Variants in SLCO3A1 observed in about 807,000 individuals in gnomAD.
SLCO3A1 encodes PGE1 transporter.
In SLCO3A1, 27 loss-of-function variants were observed where a neutral mutation model predicts 63.1. That is an observed-to-expected ratio of 0.43 (90% CI 0.32 to 0.59). The LOEUF (loss-of-function observed/expected upper bound fraction) is 0.59, where lower values mean the gene tolerates loss of function less well. SLCO3A1 is among the 20% of genes least tolerant of loss of function. The pLI, the probability that SLCO3A1 is intolerant of heterozygous loss-of-function variation, is 0.09. For missense variants in SLCO3A1, 773 were observed against 945.8 expected (o/e 0.82, Z 2.40); for synonymous variants, 473 against 409.9 (o/e 1.15, Z -1.86).
chr15:91,926,596 T>TGTGTGTGTGC, intron 2 of SLCO3A1, among the ~76,000 whole-genome samples: 3,130 of 105,102 alleles, frequency 0.03, 73 homozygotes, highest in East Asian at 0.12. Flanking sequence ...TGTGTGTGTG[T>TGTGTGTGTGC]GCGCGCGCGC....
chr15:92,038,603 G>A (rs1015550517), intron 2 of SLCO3A1, among the ~76,000 whole-genome samples: 2 of 152,020 alleles, frequency 1.3e-5, no homozygotes, highest in Non-Finnish European at 1.5e-5. Context: ...AAATAAGAGA[G>A]GACACAAACA....
At position 91,909,595 on chromosome 15, in the gene SLCO3A1, C is replaced by T. The variant is rs954903005; in HGVS notation, c.181-6398C>T. Among the ~76,000 whole-genome samples the T allele has an allele frequency of 7.9e-5, 12 of 152,126 alleles. No homozygotes were observed. The South Asian group carries it at 2.1e-3, about 26-fold the overall frequency. The stretch of plus-strand genomic sequence containing the variant: ...GTGCAGTTTGAGGGTATAGGTTCCC[C>T]GAAGCTCCCCAGGAAGAGCCTGCTC... On this transcript the variant is annotated intron_variant, in intron 1 of 9. Transcript: ENST00000318445.
intron 2 of SLCO3A1, among the ~76,000 whole-genome samples, chr15:91,971,481 A>G (rs1430141774): frequency 6.7e-6 from 1 of 150,290 alleles, no homozygotes; most frequent in Non-Finnish European, 1.5e-5. Context: ...ATTTGATGTC[A>G]TATTCTTCCA....
chr15:91,879,275 G>A (rs1033355608), intron 1 of SLCO3A1, among the ~76,000 whole-genome samples: 4 of 150,370 alleles, frequency 2.7e-5, no homozygotes, highest in Non-Finnish European at 5.9e-5. Context: ...ACTGTGATAT[G>A]CTTGGTATCT....
At chr15:91,969,442 G>A (rs1438107413) in intron 2 of SLCO3A1, among the ~76,000 whole-genome samples, 1 of 151,886 alleles carries the variant, frequency 6.6e-6, no homozygotes, top group African/African-American at 2.4e-5. Context: ...AATAGCTTGG[G>A]TTACAGGTAC....
intron 1 of SLCO3A1, among the ~76,000 whole-genome samples, chr15:91,889,508 G>C (rs1897817951): frequency 6.6e-6 from 1 of 152,242 alleles, no homozygotes; most frequent in Admixed American, 6.5e-5. Context: ...TCTATGAATT[G>C]ACTGATCTGG....
chr15:92,034,013 C>CTGGACCAGCACCACCAAGCCACTCT (rs771191515), intron 2 of SLCO3A1, among the ~76,000 whole-genome samples: 1 of 151,862 alleles, frequency 6.6e-6, no homozygotes. Flanking sequence ...GTCCTGGTGA[C>CTGGACCAGCACCACCAAGCCACTCT]CATTGGGCTG....
At chr15:92,150,921 T>C (rs1321549974) in intron 8 of SLCO3A1, 29 bp from the exon 9 acceptor site, 2 of 1,576,836 alleles carry the variant, frequency 1.3e-6, no homozygotes, top group Non-Finnish European at 8.6e-7. Context: ...AATCTGGTTT[T>C]TTTTTTCTCT....
chr15:91,975,143 TTC>T (rs1305709102), intron 2 of SLCO3A1, among the ~76,000 whole-genome samples: 1 of 152,238 alleles, frequency 6.6e-6, no homozygotes, highest in Non-Finnish European at 1.5e-5. Flanking sequence ...ACCAGTGTTA[TTC>T]TCTTTTTACC....
chr15:91,857,015 TGAG>T (rs1336117420), intron 1 of SLCO3A1, among the ~76,000 whole-genome samples: 1 of 151,202 alleles, frequency 6.6e-6, no homozygotes, highest in African/African-American at 2.4e-5. Flanking sequence ...GAAGCAACTT[TGAG>T]AAGGAGGACT....
rs944677416 is a variant in SLCO3A1 at position 91,885,635 on chromosome 15, C to T, written c.181-30358C>T. Among the ~76,000 whole-genome samples, 1 of 152,218 alleles carries T rather than the reference C, an allele frequency of 6.6e-6. No individual in the cohort carries two copies. Among genetic ancestry groups the T allele is most frequent in the Non-Finnish European group, 1.5e-5 (1 of 68,040 alleles). On this transcript the variant is annotated intron_variant, in intron 1 of 9. Transcript: ENST00000318445. This position sits in a 1 kb window ranked among gnomAD's most constrained non-coding sequence, Gnocchi z 4.7. The stretch of plus-strand genomic sequence containing the variant: ...AACCCTTAAACTGATGGCCCTTGAA[C>T]AAGTGCATCATTCTCTGTCCTTGAT...
chr15:92,031,029 A>AGGGG (rs2046641185), intron 2 of SLCO3A1, among the ~76,000 whole-genome samples: 1 of 17,636 alleles, frequency 5.7e-5, no homozygotes, highest in Non-Finnish European at 1.2e-4. Flanking sequence ...GGAGGGAGGG[A>AGGGG]GGGAGGGAGG....
chr15:91,914,476 CCT>C (rs1440289012), intron 1 of SLCO3A1, among the ~76,000 whole-genome samples: 2 of 152,026 alleles, frequency 1.3e-5, no homozygotes, highest in Non-Finnish European at 2.9e-5. Flanking sequence ...ATTGTGTCTA[CCT>C]AATTGCTCGG....
chr15:92,133,957 A>T (rs923059550), intron 7 of SLCO3A1, among the ~76,000 whole-genome samples: 1 of 152,216 alleles, frequency 6.6e-6, no homozygotes, highest in South Asian at 2.1e-4. Context: ...AGCACAGGAA[A>T]CAAACAGCGT....
At chr15:92,002,581 G>A (rs2046268312) in intron 2 of SLCO3A1, among the ~76,000 whole-genome samples, 1 of 152,074 alleles carries the variant, frequency 6.6e-6, no homozygotes, top group South Asian at 2.1e-4. Context: ...TCTTCTTCTT[G>A]ACTCCAGCCT....
chr15:92,040,992 G>A (rs1343505407), intron 2 of SLCO3A1, among the ~76,000 whole-genome samples: 2 of 152,120 alleles, frequency 1.3e-5, no homozygotes, highest in Non-Finnish European at 2.9e-5. Flanking sequence ...CCGACATTCT[G>A]TGTGGCCTGG....
chr15:91,962,431 A>T (rs1229233098), intron 2 of SLCO3A1, among the ~76,000 whole-genome samples: 1 of 143,856 alleles, frequency 7.0e-6, no homozygotes, highest in African/African-American at 2.6e-5. Flanking sequence ...GTGAACTGAG[A>T]TCGCGCCATT....
chr15:91,924,482 C>A (rs1336785450), intron 2 of SLCO3A1, among the ~76,000 whole-genome samples: 1 of 152,138 alleles, frequency 6.6e-6, no homozygotes, highest in East Asian at 1.9e-4. Flanking sequence ...TTTCAAAAGA[C>A]CATCAATTTC....
chr15:91,917,224 C>A (rs1018981532), intron 2 of SLCO3A1, among the ~76,000 whole-genome samples: 2 of 152,096 alleles, frequency 1.3e-5, no homozygotes, highest in Non-Finnish European at 2.9e-5. Flanking sequence ...ATAATTCTGT[C>A]TCCTGCCAGC....
Sources: gnomAD v4.1 joint callset for allele counts (sites outside exome capture counted in the v4.1 genomes callset) on GRCh38, gnomAD v4.1.1 for gene constraint, Gnocchi (gnomAD v3.1) non-coding constraint, MANE v1.5 for transcripts, NCBI Gene and HGNC (gene_info 2026-07-23, HGNC 2026-07-21) for gene names.